Variants in DENND2A observed in about 807,000 individuals in gnomAD.
The protein encoded by DENND2A is DENN domain-containing protein 2A.
DENND2A carries 53 observed loss-of-function variants against 105.3 expected under a neutral mutation model. The observed-to-expected ratio is 0.50, with a 90% confidence interval of 0.40 to 0.63. DENND2A has a LOEUF of 0.63. Ranked by LOEUF, DENND2A falls within the 30% of genes least tolerant of loss-of-function variation. The pLI is 0.00. For synonymous variants in DENND2A, 522 were observed against 508.4 expected (o/e 1.03, Z -0.36); for missense variants, 1,138 against 1,279.6 (o/e 0.89, Z 1.69).
chr7:140,556,568 G>T (rs1797371517), intron 11 of DENND2A, among the ~76,000 whole-genome samples: 2 of 152,116 alleles, frequency 1.3e-5, no homozygotes, highest in South Asian at 2.1e-4. Context: ...TTGAACTCCT[G>T]AGCTCAGGCA....
intron 13 of DENND2A, among the ~76,000 whole-genome samples, chr7:140,545,167 C>T (rs1003407317): frequency 6.6e-6 from 1 of 152,134 alleles, no homozygotes; most frequent in African/African-American, 2.4e-5. Flanking sequence ...CAGTGGAGAG[C>T]ATCTCTGTCT....
intron 1 of DENND2A, among the ~76,000 whole-genome samples, chr7:140,620,502 A>C (rs1325542103): frequency 6.6e-6 from 1 of 152,214 alleles, no homozygotes; most frequent in African/African-American, 2.4e-5. Flanking sequence ...TTCTAACAAC[A>C]ACCACCCCCC....
intron 1 of DENND2A, among the ~76,000 whole-genome samples, chr7:140,624,019 G>A (rs1800405537): frequency 6.6e-6 from 1 of 152,322 alleles, no homozygotes; most frequent in Non-Finnish European, 1.5e-5. Flanking sequence ...CCCCGGCAGG[G>A]CCATATGTGA....
rs1426914960 is a variant in DENND2A, at chr7:140,601,506, G to A, written c.892C>T (p.Pro298Ser). ...GGCGGGGGAGGTAGAGAGGGCAGAGGAGGCAGATTTCTTTTCTCTTTCCTG... is the reference window on the plus strand; with the variant it reads ...GGCGGGGGAGGTAGAGAGGGCAGAGAAGGCAGATTTCTTTTCTCTTTCCTG... Reference protein sequence around the residue: ...GFRKEKRNLPPLPSLPPPPLP... With the variant: ...GFRKEKRNLPSLPSLPPPPLP... Residue 298 changes from proline to serine, a missense_variant, in exon 3 of 20, where the codon CCT becomes TCT. Physicochemically the swap from Pro to Ser is moderately conservative, Grantham distance 74. Around this residue, in one of 2 missense-constraint regions of DENND2A, gnomAD observed 511 missense variants for 499.9 expected, o/e 1.02. Transcript: ENST00000496613. 1.9e-6 allele frequency: 3 copies of A among 1,614,030 alleles called. No individual in the cohort carries two copies. The highest frequency in any genetic ancestry group is 2.2e-5 in the East Asian group (1 of 44,884).
intron 4 of DENND2A, among the ~76,000 whole-genome samples, chr7:140,586,827 T>C (rs1798803425): frequency 1.3e-5 from 2 of 152,216 alleles, no homozygotes; most frequent in Admixed American, 1.3e-4. Flanking sequence ...AAGTTTTTTC[T>C]AGTATTGATG....
intron 19 of DENND2A, 98 bp downstream of exon 19, chr7:140,519,534 T>A (rs1795776821): frequency 9.6e-7 from 1 of 1,039,524 alleles, no homozygotes; most frequent in Non-Finnish European, 1.5e-6. Flanking sequence ...AGCTCTGCAT[T>A]ATTCAGGGCG....
rs972915418 is a variant in DENND2A, at chr7:140,640,310, C to T, written c.-248+194G>A. The T allele has an allele frequency of 3.3e-5, 5 of 152,254 alleles. No individual in the cohort carries two copies. The highest frequency in any genetic ancestry group is 1.2e-4 in the African/African-American group (5 of 41,452). The allele number at this position is 152,254 out of a possible 1,614,324, so 9.4% of individuals were successfully genotyped here. On this transcript the variant is annotated intron_variant, in intron 1 of 19. Coordinates refer to ENST00000496613, the MANE Select transcript of DENND2A (RefSeq NM_015689.5). This position sits in a 1 kb window ranked among gnomAD's most constrained non-coding sequence, Gnocchi z 4.9. ...TCAGTCCTGGGAGTCAGCCCGAGCC[C>T]GGGAGGAACGCCTGGATCGCGCTCT...
chr7:140,568,846 A>G (rs1357771144), intron 7 of DENND2A, 33 bp from the exon 8 acceptor site: 12 of 1,607,378 alleles, frequency 7.5e-6, no homozygotes, highest in Non-Finnish European at 1.0e-5. Context: ...AAAATTGCAA[A>G]TGTGAGTTCT....
intron 11 of DENND2A, among the ~76,000 whole-genome samples, chr7:140,556,633 C>T (rs868814730): frequency 2.6e-5 from 4 of 152,290 alleles, no homozygotes; most frequent in Admixed American, 1.3e-4. Flanking sequence ...AGCCTGTGCC[C>T]GACCTCAGTC....
Position 140,627,531 on chromosome 7 carries a change from AT to A in DENND2A, c.-248+12972del, listed in dbSNP as rs34608034. 3.2e-3 allele frequency among the ~76,000 whole-genome samples: 476 copies of A among 148,394 alleles called. 2 individuals carry two copies. Among genetic ancestry groups the A allele is most frequent in the African/African-American group, 0.011 (448 of 40,208 alleles). Reference sequence around the variant, plus strand: ...TTTTTATTTTTAATTTTATTTATTTATTTTTTTTTGAGATGAGATCTTACTC... The same window carrying A: ...TTTTTATTTTTAATTTTATTTATTTATTTTTTTTGAGATGAGATCTTACTC... On this transcript the variant is annotated intron_variant, in intron 1 of 19. Coordinates refer to ENST00000496613, the MANE Select transcript of DENND2A (RefSeq NM_015689.5).
At chr7:140,609,318 G>T (rs1051004902) in intron 1 of DENND2A, among the ~76,000 whole-genome samples, 5 of 152,196 alleles carry the variant, frequency 3.3e-5, no homozygotes, top group African/African-American at 1.2e-4. Flanking sequence ...TTTGAGACCA[G>T]CCTGGCCAAC....
intron 6 of DENND2A, among the ~76,000 whole-genome samples, 186 bp from the exon 7 acceptor site, chr7:140,569,924 C>T (rs886373518): frequency 4.6e-5 from 7 of 151,732 alleles, no homozygotes; most frequent in Admixed American, 2.6e-4. Flanking sequence ...GGCAGAGTTT[C>T]GCTCTTGTCG....
At chr7:140,591,358 C>T (rs370885404) in intron 3 of DENND2A, among the ~76,000 whole-genome samples, 2 of 152,132 alleles carry the variant, frequency 1.3e-5, no homozygotes, top group Non-Finnish European at 2.9e-5. Context: ...ATTTGCAAAA[C>T]GATTCATCAA....
At position 140,602,042 on chromosome 7, in the gene DENND2A, C is replaced by G. The variant is rs201559363; in HGVS notation, c.356G>C (p.Gly119Ala). The G allele has an allele frequency of 1.7e-5, 28 of 1,614,062 alleles. No individual in the cohort carries two copies. Among genetic ancestry groups the G allele is most frequent in the Non-Finnish European group, 2.0e-5 (24 of 1,180,034 alleles). Residue 119 changes from glycine to alanine, a missense_variant, in exon 3 of 20, where the codon GGA becomes GCA. By Grantham distance (60) the Gly-to-Ala change is moderately conservative. Transcript: ENST00000496613. ...GTCTTGCCCCGGCTCTGGGTCCTGTCCCCCGACGTTCACTGCTCCTTTATT... is the reference window on the plus strand; with the variant it reads ...GTCTTGCCCCGGCTCTGGGTCCTGTGCCCCGACGTTCACTGCTCCTTTATT... ...ERNKGAVNVG[G>A]QDPEPGQDLS...
intron 1 of DENND2A, among the ~76,000 whole-genome samples, chr7:140,618,174 G>T (rs1312671351): frequency 6.6e-6 from 1 of 152,174 alleles, no homozygotes; most frequent in Non-Finnish European, 1.5e-5. Flanking sequence ...GTATGAGTTT[G>T]CCATAAATCA....
At chr7:140,547,017 C>T in intron 12 of DENND2A, 78 bp from the exon 13 acceptor site, 2 of 1,531,546 alleles carry the variant, frequency 1.3e-6, no homozygotes, top group Non-Finnish European at 8.8e-7. Flanking sequence ...GTGAAGTGGG[C>T]CTGCCATGGT....
In DENND2A at chr7:140,578,979, T is replaced by C. The variant is rs974136620; in HGVS notation, c.1246-4971A>G. 3.9e-5 allele frequency among the ~76,000 whole-genome samples: 6 copies of C among 152,222 alleles called. No individual in the cohort carries two copies. The East Asian group carries it at 1.2e-3, about 29-fold the overall frequency. ...TACCGTGCAGGCAATAAAAACTGTT[T>C]CTAAAAATAAATTAGGCTAGATGCG... On this transcript the variant is annotated intron_variant, in intron 5 of 19. Coordinates refer to ENST00000496613, the MANE Select transcript of DENND2A (RefSeq NM_015689.5).
At chr7:140,624,044 C>T (rs973705006) in intron 1 of DENND2A, among the ~76,000 whole-genome samples, 5 of 152,206 alleles carry the variant, frequency 3.3e-5, no homozygotes, top group African/African-American at 7.2e-5. Context: ...AAAACATTTA[C>T]GAGAGGCTGC....
chr7:140,606,581 C>T (rs1336812087), intron 1 of DENND2A, among the ~76,000 whole-genome samples: 1 of 152,170 alleles, frequency 6.6e-6, no homozygotes, highest in African/African-American at 2.4e-5. Flanking sequence ...CGAACCCTGA[C>T]ACTGGGAGTT....
Sources: gnomAD v4.1 joint callset for allele counts (sites outside exome capture counted in the v4.1 genomes callset) on GRCh38, gnomAD v4.1.1 for gene constraint, gnomAD v4.1.1 regional missense constraint, Gnocchi (gnomAD v3.1) non-coding constraint, MANE v1.5 for transcripts, NCBI Gene and HGNC (gene_info 2026-07-23, HGNC 2026-07-21) for gene names.